The following PNPLA8 variants were observed in gnomAD, a reference collection of about 807,000 sequenced individuals.
PNPLA8 encodes the protein calcium-independent phospholipase A2-gamma.
Under a neutral mutation model 76.9 loss-of-function variants are expected in PNPLA8, and 39 were observed. That is an observed-to-expected ratio of 0.51 (90% confidence interval 0.39 to 0.66). The LOEUF (loss-of-function observed/expected upper bound fraction) is 0.66, where lower values mean the gene tolerates loss of function less well. Ranked by LOEUF, PNPLA8 falls within the 30% of genes least tolerant of loss-of-function variation. PNPLA8 has a pLI of 0.00. For missense variants in PNPLA8, 887 were observed against 918.0 expected (o/e 0.97, Z 0.44); for synonymous variants, 301 against 307.9 (o/e 0.98, Z 0.24).
chr7:108,493,384 T>A (rs1861324075), intron 7 of PNPLA8, among the ~76,000 whole-genome samples: 2 of 151,952 alleles, frequency 1.3e-5, no homozygotes, highest in African/African-American at 2.4e-5. Flanking sequence ...ATTGATTGTA[T>A]GAATACTGGG....
rs1859633860 is a variant in PNPLA8 at position 108,471,573 on chromosome 7, C to A, written c.*828G>T. 1 of 152,058 alleles carries A rather than the reference C, an allele frequency of 6.6e-6. No individual in the cohort carries two copies. The highest frequency in any genetic ancestry group is 2.4e-5 in the African/African-American group (1 of 41,374). The allele number at this position is 152,058 out of a possible 1,614,324, so 9.4% of individuals were successfully genotyped here. A position where few individuals can be genotyped will look rare whatever the true frequency, so the allele number is the denominator to read the frequency against. ...GGTGTATTCAAAGGCTAAAGGGGAG[C>A]TACATTATGAACAAAAATTAATTTT... On this transcript the variant is annotated 3_prime_UTR_variant, in exon 11 of 11. Coordinates refer to ENST00000257694, the MANE Select transcript of PNPLA8 (RefSeq NM_001256007.3).
At chr7:108,517,988 GA>G (rs1486875282) in intron 2 of PNPLA8, among the ~76,000 whole-genome samples, 1 of 152,196 alleles carries the variant, frequency 6.6e-6, no homozygotes, top group Non-Finnish European at 1.5e-5. Flanking sequence ...CACAGTTCTG[GA>G]GACTGGGAAG....
At chr7:108,510,125 T>A (rs531806869) in intron 4 of PNPLA8, 2 of 573,032 alleles carry the variant, frequency 3.5e-6, no homozygotes, top group African/African-American at 4.0e-5. Flanking sequence ...CATGTATACA[T>A]ATGTAACTAA....
At chr7:108,488,051 C>T (rs1158019834) in intron 8 of PNPLA8, 98 bp from the exon 9 acceptor site, 1 of 589,886 alleles carries the variant, frequency 1.7e-6, no homozygotes, top group African/African-American at 1.9e-5. Flanking sequence ...GAACAATCTA[C>T]AACTATATGT....
At position 108,510,879 on chromosome 7, in the gene PNPLA8, G is replaced by A. The variant is rs1419726695; in HGVS notation, c.1206+3265C>T. ...TGGCCCTTCAAATTGTCTTCTCCAC[G>A]AGGTGGAATGAAGAAAAAGACCACC... On this transcript the variant is annotated intron_variant, in intron 4 of 10. Transcript: ENST00000257694. 15 of 1,591,284 alleles carry A rather than the reference G, an allele frequency of 9.4e-6. No individual in the cohort carries two copies. The African/African-American group carries it at 1.1e-4, about 11-fold the overall frequency.
At chr7:108,510,250 G>C (rs1862809705) in intron 4 of PNPLA8, 7 of 1,520,832 alleles carry the variant, frequency 4.6e-6, no homozygotes, top group Non-Finnish European at 6.3e-6. Context: ...GTGTAGAAGA[G>C]AAGAAGAAGG....
At chr7:108,504,611 A>C (rs1157944691) in intron 4 of PNPLA8, among the ~76,000 whole-genome samples, 1 of 152,212 alleles carries the variant, frequency 6.6e-6, no homozygotes, top group East Asian at 1.9e-4. Context: ...ATTTTTTTGT[A>C]GATAAGGTGA....
At chr7:108,509,472 A>G (rs1200953167) in intron 4 of PNPLA8, among the ~76,000 whole-genome samples, 18 of 143,796 alleles carry the variant, frequency 1.3e-4, no homozygotes, top group East Asian at 4.0e-4. Context: ...CAAAACCACA[A>G]TGAGATACCA....
rs1174773272 is a variant in PNPLA8, at chr7:108,471,735, T to C, written c.*666A>G. The C allele has an allele frequency of 3.3e-5, 5 of 152,240 alleles. No individual in the cohort carries two copies. Among genetic ancestry groups the C allele is most frequent in the South Asian group, 2.1e-4 (1 of 4,836 alleles). 9.4% of individuals were successfully genotyped at this position (152,240 alleles called of 1,614,324 possible). A position where few individuals can be genotyped will look rare whatever the true frequency, so the allele number is the denominator to read the frequency against. On this transcript the variant is annotated 3_prime_UTR_variant, in exon 11 of 11. Coordinates refer to ENST00000257694, the MANE Select transcript of PNPLA8 (RefSeq NM_001256007.3). ...AGTGTTAGATCTGGAAAAGTTAATA[T>C]AGCATTATCTTGAAATTTCAGGGGT...
At chr7:108,492,644 A>G (rs1861264803) in intron 7 of PNPLA8, among the ~76,000 whole-genome samples, 1 of 152,214 alleles carries the variant, frequency 6.6e-6, no homozygotes, top group Non-Finnish European at 1.5e-5. Flanking sequence ...CCTAGATTCT[A>G]CTGATGGCAT....
intron 8 of PNPLA8, 106 bp downstream of exon 8, chr7:108,491,304 T>C: frequency 1.4e-6 from 1 of 718,246 alleles, no homozygotes; most frequent in Non-Finnish European, 2.4e-6. Context: ...TGAAACTCTG[T>C]CTCAAAAAAT....
intron 4 of PNPLA8, chr7:108,510,306 C>T (rs1319000451): frequency 1.3e-6 from 2 of 1,588,860 alleles, no homozygotes; most frequent in African/African-American, 2.7e-5. Flanking sequence ...AGGAATTTCT[C>T]AGAGCTGAAG....
intron 4 of PNPLA8, among the ~76,000 whole-genome samples, chr7:108,505,440 G>C (rs1371148769): frequency 7.5e-6 from 1 of 132,778 alleles, no homozygotes; most frequent in Non-Finnish European, 1.5e-5. Context: ...TCAGCTCACC[G>C]CAACCTCCGC....
At chr7:108,474,874 T>A (rs1356605261) in intron 10 of PNPLA8, among the ~76,000 whole-genome samples, 1 of 152,218 alleles carries the variant, frequency 6.6e-6, no homozygotes, top group Non-Finnish European at 1.5e-5. Flanking sequence ...CCTCCAACTT[T>A]TTTTTCTTTT....
At chr7:108,518,720 AATATATATATATATAT>A (rs148834592) in intron 2 of PNPLA8, among the ~76,000 whole-genome samples, 4,559 of 123,946 alleles carry the variant, frequency 0.037, 143 homozygotes, top group Non-Finnish European at 0.051. Context: ...TATGCACATG[AATATATATATATATAT>A]ATATATATAT....
chr7:108,516,317 A>G (rs1863339211), intron 2 of PNPLA8, among the ~76,000 whole-genome samples: 1 of 152,260 alleles, frequency 6.6e-6, no homozygotes, highest in South Asian at 2.1e-4. Context: ...ACCCAATTAA[A>G]TACAGTTAAT....
rs1158395102 is a variant in PNPLA8, at chr7:108,514,764, T to A, written c.728A>T (p.Glu243Val). 1 of 1,613,000 alleles carries A rather than the reference T, an allele frequency of 6.2e-7. No individual in the cohort carries two copies. The highest frequency in any genetic ancestry group is 1.1e-5 in the South Asian group (1 of 91,054). The change falls in exon 3 of 11, where the codon GAG becomes GTG. Residue 243 changes from glutamate to valine, a missense_variant. Physicochemically the swap from Glu to Val is moderately radical, Grantham distance 121 (BLOSUM62 -2). Coordinates refer to ENST00000257694, the MANE Select transcript of PNPLA8 (RefSeq NM_001256007.3). ...AGGATCTGGAGATCTTAATTTCCCC[T>A]CTTCTACCTTTTTATCTTCAAGTTC... is the stretch of plus-strand genomic sequence containing the variant. ...KSELEDKKVE[E>V]GKLRSPDPGI...
intron 2 of PNPLA8, among the ~76,000 whole-genome samples, chr7:108,518,721 ATATATATAT>A: frequency 3.0e-4 from 1 of 3,284 alleles, no homozygotes; most frequent in African/African-American, 5.9e-4. Flanking sequence ...ATGCACATGA[ATATATATAT>A]ATATATATAT....
intron 4 of PNPLA8, among the ~76,000 whole-genome samples, chr7:108,507,215 C>T (rs1040032762): frequency 4.6e-5 from 7 of 151,442 alleles, no homozygotes; most frequent in East Asian, 3.9e-4. Context: ...TGGTGGCGGG[C>T]GCCTGTAGTC....
Sources: allele counts gnomAD v4.1 joint callset (sites outside exome capture counted in the v4.1 genomes callset), GRCh38; gene constraint gnomAD v4.1.1; transcripts MANE v1.5; gene names NCBI Gene and HGNC (gene_info 2026-07-23, HGNC 2026-07-21).